CERKL: variants seen among roughly 807,000 people sequenced by gnomAD.
CERKL encodes CERK like autophagy regulator, also known as ceramide kinase-like protein.
Under a neutral mutation model 63.4 loss-of-function variants are expected in CERKL, and 61 were observed. That is an observed-to-expected ratio of 0.96 (90% confidence interval 0.78 to 1.19). The LOEUF is 1.19. CERKL is among the 50% of genes most tolerant of loss of function. CERKL has a pLI of 0.00. For missense variants in CERKL, 675 were observed against 655.5 expected (o/e 1.03, Z -0.33); for synonymous variants, 250 against 230.5 (o/e 1.08, Z -0.77).
In CERKL at chr2:181,547,823, A is replaced by C; in HGVS notation, c.1158T>G (p.Ser386=). ...TCAAGGAGATACTTTTCGACTCACCAGATTTGGGAGATCCCTGTGCCCTCC... is the reference window on the plus strand; with the variant it reads ...TCAAGGAGATACTTTTCGACTCACCCGATTTGGGAGATCCCTGTGCCCTCC... ...QERRAQGSPK[S]DCNDQWQMIQ... The change falls in exon 9 of 13, where the codon TCT becomes TCG. Residue 386 remains serine, a splice_region_variant and synonymous_variant. Coordinates refer to ENST00000410087, the MANE Select transcript of CERKL (RefSeq NM_201548.5). 6.2e-7 allele frequency: 1 copy of C among 1,614,094 alleles called. No homozygotes were observed.
intron 1 of CERKL, among the ~76,000 whole-genome samples, chr2:181,645,346 A>C (rs887128982): frequency 1.3e-5 from 2 of 152,222 alleles, no homozygotes; most frequent in Admixed American, 1.3e-4. Context: ...CATTCAATAA[A>C]TATTATCTAT....
intron 1 of CERKL, among the ~76,000 whole-genome samples, chr2:181,634,804 A>G (rs144822697): frequency 1.3e-5 from 2 of 152,304 alleles, no homozygotes; most frequent in African/African-American, 4.8e-5. Flanking sequence ...CCGCTAGTTA[A>G]GCAATAAGTA....
At chr2:181,581,858 T>G (rs1684527926) in intron 2 of CERKL, among the ~76,000 whole-genome samples, 1 of 152,190 alleles carries the variant, frequency 6.6e-6, no homozygotes, top group South Asian at 2.1e-4. Context: ...ATCCATTTAT[T>G]TCTCCCATCC....
chr2:181,541,858 G>T lies in CERKL; in HGVS notation c.1366-2594C>A, dbSNP rs1401811235. 2.0e-5 allele frequency among the ~76,000 whole-genome samples: 3 copies of T among 152,194 alleles called. No individual in the cohort carries two copies. The East Asian group carries it at 5.8e-4, about 29-fold the overall frequency. On this transcript the variant is annotated intron_variant, in intron 11 of 12. Coordinates refer to ENST00000410087, the MANE Select transcript of CERKL (RefSeq NM_201548.5). ...TGACCCGCACAGAGCAACGCAGAAGGAACAACTTTAGGGGAAAAGATAAGG... is the reference window on the plus strand; with the variant it reads ...TGACCCGCACAGAGCAACGCAGAAGTAACAACTTTAGGGGAAAAGATAAGG...
chr2:181,539,888 A>G (rs995727839), intron 11 of CERKL, among the ~76,000 whole-genome samples: 1 of 152,214 alleles, frequency 6.6e-6, no homozygotes, highest in Non-Finnish European at 1.5e-5. Context: ...AGGAAACTAT[A>G]CTGAAAAAGC....
chr2:181,605,799 C>T (rs1685650945), intron 1 of CERKL, among the ~76,000 whole-genome samples: 1 of 152,050 alleles, frequency 6.6e-6, no homozygotes, highest in African/African-American at 2.4e-5. Flanking sequence ...GCAGAAATGA[C>T]TCGAGTGCTA....
At chr2:181,569,480 G>A (rs958832418) in intron 3 of CERKL, among the ~76,000 whole-genome samples, 3 of 152,144 alleles carry the variant, frequency 2.0e-5, no homozygotes, top group Non-Finnish European at 4.4e-5. Context: ...GAAACACTAT[G>A]AAGAGGCTTG....
chr2:181,610,093 T>C (rs1289791794), intron 1 of CERKL, among the ~76,000 whole-genome samples: 1 of 152,098 alleles, frequency 6.6e-6, no homozygotes, highest in Non-Finnish European at 1.5e-5. Context: ...TAAAAAGTCA[T>C]AAGCAAAGGC....
At chr2:181,646,894 C>A (rs1314937989) in intron 1 of CERKL, among the ~76,000 whole-genome samples, 1 of 151,926 alleles carries the variant, frequency 6.6e-6, no homozygotes, top group Non-Finnish European at 1.5e-5. Context: ...TGGAGATGGT[C>A]AGAGTAAGCC....
chr2:181,638,326 A>G (rs1032505876), intron 1 of CERKL, among the ~76,000 whole-genome samples: 4 of 152,162 alleles, frequency 2.6e-5, no homozygotes, highest in Non-Finnish European at 5.9e-5. Context: ...GCTTGATTCC[A>G]TATCTCAAGC....
intron 1 of CERKL, among the ~76,000 whole-genome samples, chr2:181,636,839 T>C (rs769343055): frequency 7.9e-5 from 12 of 152,182 alleles, no homozygotes; most frequent in Admixed American, 2.6e-4. Flanking sequence ...CTCCTTTACC[T>C]ATTTTTCCAT....
At chr2:181,603,297 T>C (rs1574488758) in intron 2 of CERKL, among the ~76,000 whole-genome samples, 1 of 152,094 alleles carries the variant, frequency 6.6e-6, no homozygotes, top group African/African-American at 2.4e-5. Flanking sequence ...GAAAAATAAA[T>C]ACGCTTCTAA....
intron 1 of CERKL, among the ~76,000 whole-genome samples, chr2:181,643,368 C>T (rs188721208): frequency 5.9e-5 from 9 of 152,288 alleles, no homozygotes; most frequent in Non-Finnish European, 1.2e-4. Context: ...GGGCCTTCAG[C>T]GGCCACTGCT....
At chr2:181,541,367 C>T (rs1687495759) in intron 11 of CERKL, among the ~76,000 whole-genome samples, 1 of 152,190 alleles carries the variant, frequency 6.6e-6, no homozygotes, top group African/African-American at 2.4e-5. Context: ...GAAAGAAATA[C>T]ATTTCTGTTT....
intron 12 of CERKL, 71 bp from the exon 13 acceptor site, chr2:181,538,315 A>ACAATGC (rs1322587113): frequency 9.3e-6 from 8 of 863,008 alleles, no homozygotes; most frequent in Admixed American, 1.9e-5. Flanking sequence ...AGTATGGTAC[A>ACAATGC]CAATGCCAAT....
In CERKL at chr2:181,547,707, T is replaced by G; in HGVS notation, c.1179A>C (p.Gln393His). 6.2e-7 allele frequency: 1 copy of G among 1,614,060 alleles called. No homozygotes were observed. The highest frequency in any genetic ancestry group is 8.5e-7 in the Non-Finnish European group (1 of 1,179,954). ...SPKSDCNDQW[Q>H]MIQGQFLNVS... is the part of the protein sequence containing the mutation. The stretch of plus-strand genomic sequence containing the variant: ...CATTCAAGAACTGACCCTGGATCAT[T>G]TGCCATTGATCATTACAGTCTAAAG... The change falls in exon 10 of 13, where the codon CAA (glutamine) becomes CAC (histidine). Residue 393 changes from glutamine (Q) to histidine (H), a missense_variant. Coordinates refer to ENST00000410087, the MANE Select transcript of CERKL (RefSeq NM_201548.5).
chr2:181,572,609 T>G (rs1688953852), intron 3 of CERKL, among the ~76,000 whole-genome samples: 1 of 151,936 alleles, frequency 6.6e-6, no homozygotes, highest in Non-Finnish European at 1.5e-5. Context: ...TTTTCTCTTT[T>G]ACTTGTAAAT....
At chr2:181,545,324 T>A (rs1687672947) in intron 10 of CERKL, among the ~76,000 whole-genome samples, 1 of 152,184 alleles carries the variant, frequency 6.6e-6, no homozygotes. Context: ...CTGCCACACA[T>A]GTTCAGTTAA....
chr2:181,590,054 G>A (rs376709970), intron 2 of CERKL, among the ~76,000 whole-genome samples: 4 of 151,620 alleles, frequency 2.6e-5, no homozygotes, highest in African/African-American at 9.7e-5. Flanking sequence ...GTTCCTGGGC[G>A]CAAATGATTC....
Sources: gnomAD v4.1 joint callset for allele counts (sites outside exome capture counted in the v4.1 genomes callset) on GRCh38, gnomAD v4.1.1 for gene constraint, MANE v1.5 for transcripts, NCBI Gene and HGNC (gene_info 2026-07-23, HGNC 2026-07-21) for gene names.